Variants in AKAP9 observed in about 807,000 individuals in gnomAD.
AKAP9 encodes the protein A-kinase anchor protein 9.
A neutral mutation model predicts 488.5 loss-of-function variants in AKAP9; 311 were observed. The observed-to-expected ratio is 0.64, with a 90% CI of 0.58 to 0.70. The LOEUF is 0.70. AKAP9 is among the 30% of genes least tolerant of loss of function. AKAP9 has a pLI of 0.00. For synonymous variants in AKAP9, 1,462 were observed against 1,483.5 expected (o/e 0.99, Z 0.33); for missense variants, 4,215 against 4,374.5 (o/e 0.96, Z 1.03).
At chr7:92,055,677 A>G (rs1464832353) in intron 22 of AKAP9, among the ~76,000 whole-genome samples, 1 of 152,022 alleles carries the variant, frequency 6.6e-6, no homozygotes, top group Non-Finnish European at 1.5e-5. Context: ...AAGTCATTTT[A>G]TTATAACTAT....
At chr7:91,941,438 T>C (rs1419157649) in intron 1 of AKAP9, among the ~76,000 whole-genome samples, 1 of 152,242 alleles carries the variant, frequency 6.6e-6, no homozygotes, top group East Asian at 1.9e-4. Flanking sequence ...TGTAAACTAG[T>C]GTTTAGTTGC....
In AKAP9 at chr7:92,070,144, C is replaced by T; in HGVS notation, c.6445C>T (p.Leu2149=). The T allele has an allele frequency of 6.2e-7, 1 of 1,614,134 alleles. No homozygotes were observed. Among genetic ancestry groups the T allele is most frequent in the South Asian group, 1.1e-5 (1 of 91,088 alleles). Residue 2149 remains leucine, a synonymous_variant, in exon 27 of 50, where the codon CTG becomes TTG. Transcript: ENST00000356239. ...AGAAAGGAATGAAGAAATAGAGAAA[C>T]TGGAGTTCAGAGTAAGAGAACTGGA... ...IQERNEEIEK[L]EFRVRELEQA...
rs926540370 is a variant in AKAP9 at position 92,076,970 on chromosome 7, G to A, written c.6728G>A (p.Arg2243His). Residue 2243 changes from arginine (R) to histidine (H), a missense_variant, in exon 29 of 50, where the codon CGC becomes CAC. Coordinates refer to ENST00000356239, the MANE Select transcript of AKAP9 (RefSeq NM_005751.5). ...LEIQKKESTT[R>H]LQELEQENKL... Reference sequence around the variant, plus strand: ...ATACAGAAAAAGGAATCTACTACCCGCCTACAAGAACTTGAACAGGAAAAC... The same window carrying A: ...ATACAGAAAAAGGAATCTACTACCCACCTACAAGAACTTGAACAGGAAAAC... The A allele has an allele frequency of 6.3e-6, 10 of 1,576,876 alleles. No individual in the cohort carries two copies. The highest frequency in any genetic ancestry group is 2.3e-5 in the South Asian group (2 of 85,440).
At chr7:92,075,427 A>T (rs766400798) in intron 28 of AKAP9, among the ~76,000 whole-genome samples, 10 of 152,230 alleles carry the variant, frequency 6.6e-5, no homozygotes, top group Non-Finnish European at 8.8e-5. Flanking sequence ...CCTGGTAATT[A>T]TTTATGTTCA....
At position 92,038,755 on chromosome 7, in the gene AKAP9, T is replaced by C. The variant is rs1386025490; in HGVS notation, c.4675T>C (p.Phe1559Leu). ...SEEMFSKDKTFIVRQSIHDEI... is the reference protein window; with the variant it reads ...SEEMFSKDKTLIVRQSIHDEI... ...AGAAATGTTCTCCAAAGATAAAACATTTATAGTTAGACAGTCTGTAAGTAT... is the reference window on the plus strand; with the variant it reads ...AGAAATGTTCTCCAAAGATAAAACACTTATAGTTAGACAGTCTGTAAGTAT... The change falls in exon 17 of 50, where the codon TTT (phenylalanine) becomes CTT (leucine). Residue 1559 changes from phenylalanine (F) to leucine (L), a missense_variant. Around this residue, in one of 5 missense-constraint regions of AKAP9, gnomAD observed 2,361 missense variants for 2,430.0 expected, o/e 0.97. Coordinates refer to ENST00000356239, the MANE Select transcript of AKAP9 (RefSeq NM_005751.5). The C allele has an allele frequency of 6.2e-7, 1 of 1,604,368 alleles. No homozygotes were observed. The highest frequency in any genetic ancestry group is 8.5e-7 in the Non-Finnish European group (1 of 1,175,700).
In AKAP9 at chr7:91,973,699, C is replaced by CT. The variant is rs1562918524; in HGVS notation, c.49-6dup. The stretch of plus-strand genomic sequence containing the variant: ...TATCTTTGACAATAACGGTTATTTT[C>CT]TTTTTTCTTAGCTTGCCCAGTTTCG... On this transcript the variant is annotated splice_polypyrimidine_tract_variant and intron_variant, in intron 1 of 49. Transcript: ENST00000356239. 6.2e-7 allele frequency: 1 copy of CT among 1,612,580 alleles called. No homozygotes were observed. The highest frequency in any genetic ancestry group is 1.7e-5 in the Admixed American group (1 of 59,746).
At chr7:92,088,956 A>T (rs1815061482) in intron 37 of AKAP9, among the ~76,000 whole-genome samples, 1 of 152,190 alleles carries the variant, frequency 6.6e-6, no homozygotes, top group Admixed American at 6.5e-5. Flanking sequence ...TCAAAATAAA[A>T]AGTTTTTTAA....
In AKAP9 at chr7:91,997,163, A is replaced by G. The variant is rs1025470958; in HGVS notation, c.930+1363A>G. Among the ~76,000 whole-genome samples, 4 of 152,232 alleles carry G rather than the reference A, an allele frequency of 2.6e-5. 1 individual carries two copies. Among genetic ancestry groups the G allele is most frequent in the Admixed American group, 2.6e-4 (4 of 15,278 alleles). On this transcript the variant is annotated intron_variant, in intron 7 of 49. Transcript: ENST00000356239. ...GTAATTTAAAAATTATTAGGTAAAT[A>G]TTTACAGAACACCTATTTTTGTAGC... is the stretch of plus-strand genomic sequence containing the variant.
At chr7:92,003,927 T>G (rs918768168) in intron 8 of AKAP9, among the ~76,000 whole-genome samples, 3 of 152,190 alleles carry the variant, frequency 2.0e-5, no homozygotes, top group Non-Finnish European at 4.4e-5. Context: ...TTTTATGTGT[T>G]TCTTCATTTT....
chr7:91,995,545 TGTTCCCTAATACA>T, intron 6 of AKAP9, 45 bp from the exon 7 acceptor site: 1 of 1,515,786 alleles, frequency 6.6e-7, no homozygotes, highest in Non-Finnish European at 9.1e-7. Flanking sequence ...CAAAGGTGTC[TGTTCCCTAATACA>T]GTCACTTCAG....
intron 20 of AKAP9, among the ~76,000 whole-genome samples, chr7:92,043,753 T>C (rs891359896): frequency 1.3e-5 from 2 of 152,212 alleles, no homozygotes; most frequent in African/African-American, 4.8e-5. Flanking sequence ...TGACAAATAC[T>C]AACGGAAAAC....
chr7:92,080,701 G>A (rs1442775107), intron 31 of AKAP9, among the ~76,000 whole-genome samples: 6 of 152,090 alleles, frequency 3.9e-5, no homozygotes, highest in Admixed American at 3.9e-4. Flanking sequence ...AACCAGAGGA[G>A]TTTCACAAAT....
At chr7:91,946,395 CTT>C (rs11443810) in intron 1 of AKAP9, among the ~76,000 whole-genome samples, 1 of 145,416 alleles carries the variant, frequency 6.9e-6, no homozygotes. Context: ...AACCTTCAGG[CTT>C]TTTTTTTTTT....
chr7:92,012,623 T>C lies in AKAP9; in HGVS notation c.3513T>C (p.Thr1171=). 6.2e-7 allele frequency: 1 copy of C among 1,611,152 alleles called. No homozygotes were observed. Among genetic ancestry groups the C allele is most frequent in the Non-Finnish European group, 8.5e-7 (1 of 1,177,608 alleles). The change falls in exon 9 of 50, where the codon ACT becomes ACC. Residue 1171 remains threonine, a synonymous_variant. Transcript: ENST00000356239. ...LQKIHQLELQ[T]MKTQETGDEG... is the part of the protein sequence containing the mutation. Reference sequence around the variant, plus strand: ...AAATACACCAGTTAGAACTACAGACTATGAAAACACAAGAAACAGGTAAAA... The same window carrying C: ...AAATACACCAGTTAGAACTACAGACCATGAAAACACAAGAAACAGGTAAAA...
At chr7:92,018,500 A>G (rs983231371) in intron 12 of AKAP9, among the ~76,000 whole-genome samples, 1 of 152,196 alleles carries the variant, frequency 6.6e-6, no homozygotes, top group Non-Finnish European at 1.5e-5. Context: ...AAGCAGCCAG[A>G]CAACAACAAA....
At chr7:92,021,424 G>A (rs1802301532) in intron 12 of AKAP9, among the ~76,000 whole-genome samples, 1 of 151,994 alleles carries the variant, frequency 6.6e-6, no homozygotes, top group African/African-American at 2.4e-5. Context: ...TTGCTGCTTA[G>A]TTTTATGTAT....
Position 92,079,275 on chromosome 7 carries a change from C to T in AKAP9, c.7142C>T (p.Ala2381Val), listed in dbSNP as rs1813123047. The change falls in exon 31 of 50, where the codon GCA (alanine) becomes GTA (valine). Residue 2381 changes from alanine (A) to valine (V), a missense_variant. Physicochemically the swap from Ala to Val is moderately conservative, Grantham distance 64 (BLOSUM62 0). This residue lies in a region of AKAP9 where 1,476 missense variants were observed against 1,477.4 expected (regional missense o/e 1.00). Coordinates refer to ENST00000356239, the MANE Select transcript of AKAP9 (RefSeq NM_005751.5). ...AATGCTCATTCCCTCTCAGAAGAAG[C>T]AGACAGTTTAAAACATCAATTGGAT... is the stretch of plus-strand genomic sequence containing the variant. ...SMNAHSLSEE[A>V]DSLKHQLDVV... The T allele has an allele frequency of 1.9e-6, 3 of 1,614,038 alleles. No individual in the cohort carries two copies. Among genetic ancestry groups the T allele is most frequent in the Non-Finnish European group, 2.5e-6 (3 of 1,179,980 alleles).
intron 1 of AKAP9, among the ~76,000 whole-genome samples, chr7:91,960,239 G>A (rs1173535469): frequency 4.6e-5 from 7 of 152,172 alleles, no homozygotes; most frequent in Non-Finnish European, 7.4e-5. Context: ...CCATTCTCTC[G>A]AGTATATTTG....
chr7:92,022,668 A>T, intron 13 of AKAP9, 146 bp from the exon 14 acceptor site: 1 of 644,230 alleles, frequency 1.6e-6, no homozygotes, highest in Non-Finnish European at 2.6e-6. Context: ...TTTCATCAGA[A>T]TGAGTTTAAA....
Sources: allele counts gnomAD v4.1 joint callset (sites outside exome capture counted in the v4.1 genomes callset), GRCh38; gene constraint gnomAD v4.1.1; regional missense constraint gnomAD v4.1.1; transcripts MANE v1.5; gene names NCBI Gene and HGNC (gene_info 2026-07-23, HGNC 2026-07-21).